The following DPH6 variants were observed in gnomAD, a reference collection of about 807,000 sequenced individuals.
DPH6 encodes the protein diphthine--ammonia ligase.
DPH6 carries 33 observed loss-of-function variants against 38.2 expected under a neutral mutation model. The ratio of observed to expected loss-of-function variants is 0.86; its 90% CI spans 0.65 to 1.15. The LOEUF (loss-of-function observed/expected upper bound fraction) is 1.15. Among genes scored for constraint, DPH6 ranks in the 50% most tolerant of loss-of-function variants. DPH6 has a pLI of 0.00. For synonymous variants in DPH6, 108 were observed against 103.0 expected, an observed-to-expected ratio of 1.05 and a Z score of -0.30; for missense variants, 325 against 320.0, an observed-to-expected ratio of 1.02 and a Z score of -0.12.
intron 6 of DPH6, among the ~76,000 whole-genome samples, chr15:35,389,142 T>C (rs923940522): frequency 6.6e-5 from 10 of 152,220 alleles, no homozygotes; most frequent in Non-Finnish European, 1.2e-4. Flanking sequence ...TCCATGTAGT[T>C]GAGCGGTTTT....
In DPH6 at chr15:35,450,814, A is replaced by G. The variant is rs753725196; in HGVS notation, c.387-11T>C. 2 of 1,577,196 alleles carry G rather than the reference A, an allele frequency of 1.3e-6. No homozygotes were observed. Among genetic ancestry groups the G allele is most frequent in the Admixed American group, 3.6e-5 (2 of 55,226 alleles). On this transcript the variant is annotated splice_polypyrimidine_tract_variant and intron_variant, in intron 4 of 8. Transcript: ENST00000256538. ...TTAAGCCTTTTACACCTACAAAAGAAAAAGAAAAAGAAAGTCAGATGATCT... is the reference window on the plus strand; with the variant it reads ...TTAAGCCTTTTACACCTACAAAAGAGAAAGAAAAAGAAAGTCAGATGATCT...
At chr15:35,514,638 G>A (rs2054820606) in intron 3 of DPH6, among the ~76,000 whole-genome samples, 2 of 152,100 alleles carry the variant, frequency 1.3e-5, no homozygotes, top group African/African-American at 2.4e-5. Context: ...GTTACTTGTG[G>A]TGGAAGCACT....
chr15:35,434,261 G>A (rs904380233), intron 5 of DPH6, among the ~76,000 whole-genome samples: 3 of 152,146 alleles, frequency 2.0e-5, no homozygotes, highest in Admixed American at 6.5e-5. Flanking sequence ...TGATTAGGAA[G>A]TGATAAAAAG....
intron 3 of DPH6, among the ~76,000 whole-genome samples, chr15:35,500,439 G>C (rs1264296231): frequency 6.6e-6 from 1 of 152,174 alleles, no homozygotes; most frequent in African/African-American, 2.4e-5. Flanking sequence ...TCTGCCTGGT[G>C]ATCAAGGAGA....
At chr15:35,541,468 A>T (rs563492701) in intron 2 of DPH6, among the ~76,000 whole-genome samples, 1 of 151,860 alleles carries the variant, frequency 6.6e-6, no homozygotes, top group Non-Finnish European at 1.5e-5. Flanking sequence ...TAAAGATATA[A>T]AACAAGTATT....
intron 3 of DPH6, among the ~76,000 whole-genome samples, chr15:35,295,358 G>A (rs1190049471): frequency 6.6e-6 from 1 of 152,158 alleles, no homozygotes; most frequent in Admixed American, 6.5e-5. Context: ...TTTGCTCACA[G>A]TGAAGACAGG....
chr15:35,282,763 G>T, intron 3 of DPH6: 1 of 350,306 alleles, frequency 2.9e-6, no homozygotes, highest in Non-Finnish European at 5.9e-6. Flanking sequence ...TGGAGAAGTT[G>T]TCTAGTCATC....
the DPH6 span, among the ~76,000 whole-genome samples, chr15:35,208,157 A>G: frequency 3.3e-5 from 5 of 152,202 alleles, no homozygotes; most frequent in African/African-American, 9.7e-5. Flanking sequence ...TTGAAATTTT[A>G]TATCATTTTA....
chr15:35,319,309 A>G (rs2052219686), intron 3 of DPH6, among the ~76,000 whole-genome samples: 1 of 152,210 alleles, frequency 6.6e-6, no homozygotes, highest in Admixed American at 6.5e-5. Context: ...TCCTTAATGT[A>G]GATGCTGAAA....
intron 3 of DPH6, among the ~76,000 whole-genome samples, chr15:35,523,856 C>T (rs1391800043): frequency 6.6e-6 from 1 of 152,062 alleles, no homozygotes; most frequent in African/African-American, 2.4e-5. Context: ...TGTCCCCCTC[C>T]ACCCATCCAA....
chr15:35,299,284 A>G (rs2052037329), intron 3 of DPH6: 2 of 1,041,258 alleles, frequency 1.9e-6, no homozygotes. Flanking sequence ...TTGTAGGTCA[A>G]TGACTGGGGC....
intron 3 of DPH6, among the ~76,000 whole-genome samples, chr15:35,225,008 T>G (rs2051470942): frequency 6.6e-6 from 1 of 152,186 alleles, no homozygotes; most frequent in Admixed American, 6.5e-5. Context: ...TCTATTAATG[T>G]CTCCCTTTTG....
intron 3 of DPH6, among the ~76,000 whole-genome samples, chr15:35,296,662 T>C (rs1336904747): frequency 6.6e-6 from 1 of 152,228 alleles, no homozygotes; most frequent in African/African-American, 2.4e-5. Flanking sequence ...TGGAGACAGA[T>C]TTCACATTAC....
chr15:35,261,816 G>C (rs1050154801), intron 3 of DPH6, among the ~76,000 whole-genome samples: 2 of 141,936 alleles, frequency 1.4e-5, no homozygotes, highest in Admixed American at 7.4e-5. Context: ...CTGGGCAACA[G>C]AGCAAGACCC....
intron 5 of DPH6, among the ~76,000 whole-genome samples, chr15:35,417,499 G>T (rs923690363): frequency 2.8e-5 from 4 of 142,488 alleles, no homozygotes; most frequent in Non-Finnish European, 3.0e-5. Flanking sequence ...GTTTTAAATG[G>T]TTCAGAGAGA....
chr15:35,475,195 T>C (rs984025438), intron 3 of DPH6, among the ~76,000 whole-genome samples: 3 of 152,044 alleles, frequency 2.0e-5, no homozygotes. Context: ...AAACAATACA[T>C]GGAGATGGTC....
intron 3 of DPH6, chr15:35,237,555 C>T (rs543852579): frequency 1.0e-5 from 16 of 1,551,674 alleles, no homozygotes; most frequent in South Asian, 3.3e-5. Context: ...AACAGAGTCT[C>T]GGGGGGCGTG....
At chr15:35,497,874 A>G (rs1358074505) in intron 3 of DPH6, among the ~76,000 whole-genome samples, 1 of 152,228 alleles carries the variant, frequency 6.6e-6, no homozygotes, top group Non-Finnish European at 1.5e-5. Context: ...AAAATAACGT[A>G]AGTACAAAAG....
intron 3 of DPH6, among the ~76,000 whole-genome samples, chr15:35,343,699 A>G (rs1172216388): frequency 1.3e-5 from 2 of 152,040 alleles, no homozygotes; most frequent in Non-Finnish European, 2.9e-5. Flanking sequence ...AGTGCCTACT[A>G]AACGTTGGAT....
Sources: gnomAD v4.1 joint callset for allele counts (sites outside exome capture counted in the v4.1 genomes callset) on GRCh38, gnomAD v4.1.1 for gene constraint, MANE v1.5 for transcripts, NCBI Gene and HGNC (gene_info 2026-07-23, HGNC 2026-07-21) for gene names.